CXCR5: variants seen among roughly 807,000 people sequenced by gnomAD.
CXCR5 encodes the protein C-X-C chemokine receptor type 5.
CXCR5 carries 3 observed loss-of-function variants against 5.6 expected under a neutral mutation model. The observed-to-expected ratio is 0.54, with a 90% CI of 0.24 to 1.39. The LOEUF (loss-of-function observed/expected upper bound fraction) is 1.39. CXCR5 is among the 40% of genes most tolerant of loss of function. The probability of loss-of-function intolerance (pLI) is 0.16; values close to 1 mark genes in which losing one functional copy is unlikely to be tolerated. For synonymous variants in CXCR5, 218 were observed against 219.9 expected, an observed-to-expected ratio of 0.99 and a Z score of 0.08; for missense variants, 333 against 494.6, an observed-to-expected ratio of 0.67 and a Z score of 3.10.
chr11:118,889,789 C>T (rs1000472098), intron 1 of CXCR5, among the ~76,000 whole-genome samples: 1 of 152,178 alleles, frequency 6.6e-6, no homozygotes, highest in Non-Finnish European at 1.5e-5. Context: ...TCCCAAGCCC[C>T]CTCTAAATCT....
chr11:118,895,877 A>AC lies in CXCR5; in HGVS notation c.*1214_*1215insC. Reference sequence around the variant, plus strand: ...CTGGGGTGTGGGAGGCCCGTCCGGCAGTTCTGGGTGCTCCCTACCACCTCC... The same window carrying AC: ...CTGGGGTGTGGGAGGCCCGTCCGGCACGTTCTGGGTGCTCCCTACCACCTCC... On this transcript the variant is annotated 3_prime_UTR_variant, in exon 2 of 2. Transcript: ENST00000292174. The surrounding 1 kb of genome is among the most constrained non-coding windows in gnomAD (Gnocchi z 4.2). 1 of 167,150 alleles carries AC rather than the reference A, an allele frequency of 6.0e-6. No individual in the cohort carries two copies. Among genetic ancestry groups the AC allele is most frequent in the South Asian group, 2.1e-4 (1 of 4,818 alleles). 10.4% of individuals were successfully genotyped at this position (167,150 alleles called of 1,614,324 possible).
rs11574669 is a variant in CXCR5, at chr11:118,893,589, C to A, written c.52-7C>A. On this transcript the variant is annotated splice_polypyrimidine_tract_variant and splice_region_variant and intron_variant, in intron 1 of 1. Transcript: ENST00000292174. The surrounding 1 kb of genome is among the most constrained non-coding windows in gnomAD (Gnocchi z 5.7). ...GTCCTCACCCTCCCGTCTCCTTGCC[C>A]TTGCAGTTCTGGGAACTGGACAGAT... is the stretch of plus-strand genomic sequence containing the variant. The A allele has an allele frequency of 5.1e-6, 8 of 1,568,612 alleles. No individual in the cohort carries two copies. In the African/African-American group the frequency reaches 1.1e-4, roughly 21 times the overall value.
chr11:118,889,689 C>T (rs897008840), intron 1 of CXCR5, among the ~76,000 whole-genome samples: 1 of 152,184 alleles, frequency 6.6e-6, no homozygotes, highest in Non-Finnish European at 1.5e-5. Context: ...TGTCAATTCC[C>T]AGCACCCCTC....
chr11:118,895,367 G>A lies in CXCR5; in HGVS notation c.*704G>A, dbSNP rs1391081829. ...TGGTCTGCAGGCAGGGCTGACTCTAGGTGCCCTTGGAGGCCAGCCAGTGAC... is the reference window on the plus strand; with the variant it reads ...TGGTCTGCAGGCAGGGCTGACTCTAAGTGCCCTTGGAGGCCAGCCAGTGAC... On this transcript the variant is annotated 3_prime_UTR_variant, in exon 2 of 2. Coordinates refer to ENST00000292174, the MANE Select transcript of CXCR5 (RefSeq NM_001716.5). The surrounding 1 kb of genome is among the most constrained non-coding windows in gnomAD (Gnocchi z 4.2). The A allele has an allele frequency of 6.0e-6, 1 of 167,134 alleles. No individual in the cohort carries two copies. 10.4% of individuals were successfully genotyped at this position (167,134 alleles called of 1,614,324 possible).
rs1476077078 is a variant in CXCR5, at chr11:118,893,838, C to G, written c.294C>G (p.Leu98=). 3.1e-6 allele frequency: 5 copies of G among 1,614,188 alleles called. No homozygotes were observed. The highest frequency in any genetic ancestry group is 4.2e-6 in the Non-Finnish European group (5 of 1,180,044). The change falls in exon 2 of 2, where the codon CTC becomes CTG. Residue 98 remains leucine, a synonymous_variant. Transcript: ENST00000292174. The surrounding 1 kb of genome is among the most constrained non-coding windows in gnomAD (Gnocchi z 5.7). The part of the protein sequence containing the change: ...TFLFHLAVAD[L]LLVFILPFAV... ...TGTTCCACCTGGCCGTGGCCGACCT[C>G]CTGCTGGTCTTCATCTTGCCCTTTG... is the stretch of plus-strand genomic sequence containing the variant.
rs755089290 is a variant in CXCR5, at chr11:118,883,977, G to A, written c.36G>A (p.Glu12=). ...CGCTAACGCTGGAAATGGACCTCGA[G>A]AACCTGGAGGACCTGGTGAGTAGAC... ...NYPLTLEMDL[E]NLEDLFWELD... is the part of the protein sequence containing the mutation. Residue 12 remains glutamate, a synonymous_variant, in exon 1 of 2, where the codon GAG becomes GAA. Coordinates refer to ENST00000292174, the MANE Select transcript of CXCR5 (RefSeq NM_001716.5). The A allele has an allele frequency of 8.1e-6, 13 of 1,612,760 alleles. No individual in the cohort carries two copies. The East Asian group carries it at 2.7e-4, about 33-fold the overall frequency.
rs773820991 is a variant in CXCR5 at position 118,893,150 on chromosome 11, C to T, written c.52-446C>T. 2.1e-4 allele frequency among the ~76,000 whole-genome samples: 32 copies of T among 152,284 alleles called. No homozygotes were observed. The highest frequency in any genetic ancestry group is 2.1e-4 in the South Asian group (1 of 4,830). ...GGAGCCCACAGGCCAAGTCAGCACC[C>T]GCCCGCCCCTAGTCCCCAGCACAAT... is the stretch of plus-strand genomic sequence containing the variant. On this transcript the variant is annotated intron_variant, in intron 1 of 1. Transcript: ENST00000292174. This position sits in a 1 kb window ranked among gnomAD's most constrained non-coding sequence, Gnocchi z 5.7.
chr11:118,886,347 GA>G (rs5795149), intron 1 of CXCR5: 124,642 of 396,166 alleles, frequency 0.31, 8,910 homozygotes, highest in East Asian at 0.45. Flanking sequence ...AAACTTGCCA[GA>G]AAAAAAAAAA....
chr11:118,884,031 G>A (rs763491946), intron 1 of CXCR5, 39 bp downstream of exon 1: 2 of 1,600,000 alleles, frequency 1.3e-6, no homozygotes, highest in Admixed American at 1.7e-5. Flanking sequence ...CCGAGGCCCT[G>A]TCTGGAATTC....
At position 118,897,566 on chromosome 11, in the gene CXCR5, G is replaced by A; in HGVS notation, c.*2903G>A. 2.8e-6 allele frequency: 1 copy of A among 352,956 alleles called. No homozygotes were observed. Among genetic ancestry groups the A allele is most frequent in the East Asian group, 7.7e-5 (1 of 12,956 alleles). The allele number at this position is 352,956 out of a possible 1,614,324, so 21.9% of individuals were successfully genotyped here. ...CTAGGGCTCACCAGGTGGAAGCCTA[G>A]GTGGTCTGACCTCAGTTTAGGAGTG... On this transcript the variant is annotated 3_prime_UTR_variant, in exon 2 of 2. Transcript: ENST00000292174.
At chr11:118,889,728 C>G (rs1047827871) in intron 1 of CXCR5, among the ~76,000 whole-genome samples, 1 of 152,328 alleles carries the variant, frequency 6.6e-6, no homozygotes, top group South Asian at 2.1e-4. Context: ...CTTACCCTCT[C>G]TGAACGCTGC....
chr11:118,887,503 C>A (rs1016600165), intron 1 of CXCR5: 30 of 899,200 alleles, frequency 3.3e-5, no homozygotes, highest in Non-Finnish European at 2.5e-5. Flanking sequence ...CCACATCCAG[C>A]ACAGTACCTG....
rs973636826 is a variant in CXCR5, at chr11:118,896,212, C to T, written c.*1549C>T. ...ACAGTACAGGCAGCACAGAGACCCC[C>T]GGAACAAGCCTAAAAATTGTTTCAA... On this transcript the variant is annotated 3_prime_UTR_variant, in exon 2 of 2. Coordinates refer to ENST00000292174, the MANE Select transcript of CXCR5 (RefSeq NM_001716.5). 8 of 166,664 alleles carry T rather than the reference C, an allele frequency of 4.8e-5. No individual in the cohort carries two copies. In the East Asian group the frequency reaches 5.8e-4, roughly 12 times the overall value. The allele number at this position is 166,664 out of a possible 1,614,324, so 10.3% of individuals were successfully genotyped here.
chr11:118,884,022 C>G, intron 1 of CXCR5, 30 bp downstream of exon 1: 1 of 1,607,076 alleles, frequency 6.2e-7, no homozygotes, highest in Non-Finnish European at 8.5e-7. Flanking sequence ...TTCCTGTCGC[C>G]GAGGCCCTGT....
At position 118,884,435 on chromosome 11, in the gene CXCR5, GTCA is replaced by G. The variant is rs143103573; in HGVS notation, c.51+447_51+449del. 7.6e-3 allele frequency among the ~76,000 whole-genome samples: 1,153 copies of G among 152,312 alleles called. 23 individuals carry two copies. The highest frequency in any genetic ancestry group is 0.026 in the African/African-American group (1,069 of 41,576). On this transcript the variant is annotated intron_variant, in intron 1 of 1. Coordinates refer to ENST00000292174, the MANE Select transcript of CXCR5 (RefSeq NM_001716.5). ...TGTTCGTCTCTGGCCATATGATTAT[GTCA>G]TCAGGGCACTACATTCTGTGTTGGG...
rs200959025 is a variant in CXCR5 at position 118,894,145 on chromosome 11, C to T, written c.601C>T (p.Arg201Cys). 1.7e-5 allele frequency: 28 copies of T among 1,613,994 alleles called. No homozygotes were observed. Among genetic ancestry groups the T allele is most frequent in the Admixed American group, 3.3e-5 (2 of 60,002 alleles). The change falls in exon 2 of 2, where the codon CGT (arginine) becomes TGT (cysteine). Residue 201 changes from arginine (R) to cysteine (C), a missense_variant. By Grantham distance (180) the Arg-to-Cys change is radical. Coordinates refer to ENST00000292174, the MANE Select transcript of CXCR5 (RefSeq NM_001716.5). This position sits in a 1 kb window ranked among gnomAD's most constrained non-coding sequence, Gnocchi z 6.1. ...SQGHHNNSLP[R>C]CTFSQENQAE... ...AGGCCATCACAACAACTCCCTGCCA[C>T]GTTGCACCTTCTCCCAAGAGAACCA...
chr11:118,887,487 C>T (rs1465129807), intron 1 of CXCR5: 1 of 950,858 alleles, frequency 1.1e-6, no homozygotes, highest in Non-Finnish European at 1.3e-6. Flanking sequence ...AACTCTCCCC[C>T]TAACACCACA....
At chr11:118,884,778 G>A (rs565407550) in intron 1 of CXCR5, among the ~76,000 whole-genome samples, 37 of 152,298 alleles carry the variant, frequency 2.4e-4, no homozygotes, top group Non-Finnish European at 4.6e-4. Flanking sequence ...CCAGTGAAGC[G>A]TAGTGGTGCA....
chr11:118,894,552 C>G lies in CXCR5; in HGVS notation c.1008C>G (p.Leu336=). The G allele has an allele frequency of 1.3e-6, 2 of 1,566,380 alleles. No homozygotes were observed. Among genetic ancestry groups the G allele is most frequent in the Non-Finnish European group, 1.7e-6 (2 of 1,153,770 alleles). The change falls in exon 2 of 2, where the codon CTC becomes CTG. Residue 336 remains leucine (L), a synonymous_variant. Coordinates refer to ENST00000292174, the MANE Select transcript of CXCR5 (RefSeq NM_001716.5). The surrounding 1 kb of genome is among the most constrained non-coding windows in gnomAD (Gnocchi z 6.1). ...GVKFRSDLSR[L]LTKLGCTGPA... is the part of the protein sequence containing the mutation. The stretch of plus-strand genomic sequence containing the variant: ...AGTTCCGCAGTGACCTGTCGCGGCT[C>G]CTGACGAAGCTGGGCTGTACCGGCC...
Sources: allele counts gnomAD v4.1 joint callset (sites outside exome capture counted in the v4.1 genomes callset), GRCh38; gene constraint gnomAD v4.1.1; non-coding constraint Gnocchi (gnomAD v3.1); transcripts MANE v1.5; gene names NCBI Gene and HGNC (gene_info 2026-07-23, HGNC 2026-07-21).